The following CHRM5 variants were observed in gnomAD, a reference collection of about 807,000 sequenced individuals.
The protein encoded by CHRM5 is cholinergic receptor muscarinic 5, also known as muscarinic acetylcholine receptor M5.
In CHRM5, 18 loss-of-function variants were observed where a neutral mutation model predicts 39.0. The observed-to-expected ratio is 0.46, with a 90% CI of 0.32 to 0.68. CHRM5 has a LOEUF of 0.68. Among genes scored for constraint, CHRM5 ranks in the 30% least tolerant of loss-of-function variants. The probability of loss-of-function intolerance (pLI) is 0.04; values close to 1 mark genes in which losing one functional copy is unlikely to be tolerated. For missense variants in CHRM5, 515 were observed against 651.1 expected (o/e 0.79, Z 2.28); for synonymous variants, 241 against 246.3 (o/e 0.98, Z 0.20).
intron 1 of CHRM5, among the ~76,000 whole-genome samples, chr15:33,998,815 C>A (rs1322852555): frequency 6.6e-6 from 1 of 152,202 alleles, no homozygotes; most frequent in Non-Finnish European, 1.5e-5. Context: ...TTGCTGGTCT[C>A]TTCTCTTTCC....
At chr15:34,033,018 A>G (rs74578864) in intron 1 of CHRM5, among the ~76,000 whole-genome samples, 1 of 152,188 alleles carries the variant, frequency 6.6e-6, no homozygotes, top group African/African-American at 2.4e-5. Flanking sequence ...TTGATATGGC[A>G]AAACTCCAAC....
At chr15:34,004,604 A>G (rs1397915002) in intron 1 of CHRM5, among the ~76,000 whole-genome samples, 2 of 152,034 alleles carry the variant, frequency 1.3e-5, no homozygotes, top group Non-Finnish European at 2.9e-5. Flanking sequence ...AATTTTTTAA[A>G]GTGTTGTTAA....
chr15:33,996,105 G>A (rs1896921651), intron 1 of CHRM5, among the ~76,000 whole-genome samples: 2 of 152,254 alleles, frequency 1.3e-5, no homozygotes, highest in Non-Finnish European at 2.9e-5. Flanking sequence ...ATAGACCTGT[G>A]AGGCAGCAGC....
chr15:33,997,910 C>A (rs1897001915), intron 1 of CHRM5, among the ~76,000 whole-genome samples: 1 of 152,162 alleles, frequency 6.6e-6, no homozygotes, highest in Non-Finnish European at 1.5e-5. Context: ...ATACCAACTT[C>A]ATGTGGGCCC....
At position 33,983,223 on chromosome 15, in the gene CHRM5, T is replaced by TAC. The variant is rs1555512827; in HGVS notation, c.-408+14081_-408+14082dup. ...GTGTATATATATATATACATATATA[T>TAC]ACACACACATACACACACACACATA... On this transcript the variant is annotated intron_variant, in intron 1 of 2. Transcript: ENST00000383263. 5.1e-3 allele frequency among the ~76,000 whole-genome samples: 559 copies of TAC among 110,674 alleles called. 9 individuals carry two copies. Among genetic ancestry groups the TAC allele is most frequent in the African/African-American group, 0.022 (528 of 24,424 alleles). 72.6% of individuals were successfully genotyped at this position (110,674 alleles called of 152,430 possible).
At chr15:34,030,615 A>G (rs111583380) in intron 1 of CHRM5, among the ~76,000 whole-genome samples, 1,849 of 151,774 alleles carry the variant, frequency 0.012, 17 homozygotes, top group Non-Finnish European at 0.017. Flanking sequence ...GGTGTGAGCC[A>G]CCACGCCCAG....
At chr15:34,042,939 G>A (rs1040436264) in intron 1 of CHRM5, among the ~76,000 whole-genome samples, 1 of 151,928 alleles carries the variant, frequency 6.6e-6, no homozygotes, top group Admixed American at 6.6e-5. Flanking sequence ...AAGAAACCCA[G>A]TAATTCCTAG....
At chr15:34,047,835 G>C (rs891321582) in intron 2 of CHRM5, among the ~76,000 whole-genome samples, 11 of 152,152 alleles carry the variant, frequency 7.2e-5, no homozygotes, top group Middle Eastern at 6.8e-3. Flanking sequence ...TGCAACCTCT[G>C]CCTCCTGAGC....
At chr15:34,014,036 C>T (rs1157101157) in intron 1 of CHRM5, among the ~76,000 whole-genome samples, 3 of 151,926 alleles carry the variant, frequency 2.0e-5, no homozygotes, top group Non-Finnish European at 4.4e-5. Context: ...AAACAAAACC[C>T]GGGGAGATCA....
Position 34,001,179 on chromosome 15 carries a change from C to A in CHRM5, c.-408+32029C>A, listed in dbSNP as rs557857590. ...GGGATTACAGGTGCCCGCCACCACGCCCAGCTAATTTTTTGTGTTTTTAGT... is the reference window on the plus strand; with the variant it reads ...GGGATTACAGGTGCCCGCCACCACGACCAGCTAATTTTTTGTGTTTTTAGT... On this transcript the variant is annotated intron_variant, in intron 1 of 2. Coordinates refer to ENST00000383263, the MANE Select transcript of CHRM5 (RefSeq NM_012125.4). Among the ~76,000 whole-genome samples, 57 of 152,142 alleles carry A rather than the reference C, an allele frequency of 3.7e-4. No individual in the cohort carries two copies. In the Middle Eastern group the frequency reaches 0.014, roughly 36 times the overall value.
chr15:34,012,955 T>C (rs1897697253), intron 1 of CHRM5, among the ~76,000 whole-genome samples: 1 of 152,206 alleles, frequency 6.6e-6, no homozygotes, highest in South Asian at 2.1e-4. Context: ...ATGGTCTGTT[T>C]TAAATTTCCT....
At chr15:33,990,069 T>C (rs1597320152) in intron 1 of CHRM5, among the ~76,000 whole-genome samples, 1 of 151,364 alleles carries the variant, frequency 6.6e-6, no homozygotes, top group East Asian at 1.9e-4. Context: ...CCGGGCGTGG[T>C]GGTGGGCGCC....
chr15:34,002,599 T>C (rs190428739), intron 1 of CHRM5, among the ~76,000 whole-genome samples: 3 of 152,172 alleles, frequency 2.0e-5, no homozygotes, highest in Admixed American at 2.0e-4. Flanking sequence ...ATAGCTCCAA[T>C]ATGTGCATAT....
chr15:34,061,983 A>C (rs1353632092), intron 2 of CHRM5, among the ~76,000 whole-genome samples: 1 of 152,192 alleles, frequency 6.6e-6, no homozygotes, highest in Non-Finnish European at 1.5e-5. Context: ...TTCAGCCCTT[A>C]TGATCATTGC....
chr15:34,008,787 C>T (rs1189141335), intron 1 of CHRM5, among the ~76,000 whole-genome samples: 1 of 151,950 alleles, frequency 6.6e-6, no homozygotes, highest in Non-Finnish European at 1.5e-5. Flanking sequence ...CGTGCCTAGC[C>T]GATGAAAAAC....
intron 1 of CHRM5, among the ~76,000 whole-genome samples, chr15:34,031,360 C>T (rs369109511): frequency 7.2e-5 from 11 of 151,786 alleles, no homozygotes; most frequent in East Asian, 1.9e-4. Context: ...TTTCTAATAG[C>T]GACAGGGTTT....
At chr15:34,014,281 T>C (rs565280903) in intron 1 of CHRM5, among the ~76,000 whole-genome samples, 7 of 150,296 alleles carry the variant, frequency 4.7e-5, no homozygotes, top group African/African-American at 1.7e-4. Flanking sequence ...GGAGGATTGC[T>C]TGAACCCAGG....
At chr15:33,988,230 C>T (rs913729613) in intron 1 of CHRM5, among the ~76,000 whole-genome samples, 3 of 152,174 alleles carry the variant, frequency 2.0e-5, no homozygotes, top group Admixed American at 6.5e-5. Flanking sequence ...CAGTGATATA[C>T]AATAAACATA....
intron 1 of CHRM5, among the ~76,000 whole-genome samples, chr15:33,990,459 G>A (rs1178151227): frequency 1.3e-5 from 2 of 152,104 alleles, no homozygotes; most frequent in Non-Finnish European, 2.9e-5. Context: ...AAGAGTAACT[G>A]GAATATAAGT....
Sources: allele counts gnomAD v4.1 joint callset (sites outside exome capture counted in the v4.1 genomes callset), GRCh38; gene constraint gnomAD v4.1.1; transcripts MANE v1.5; gene names NCBI Gene and HGNC (gene_info 2026-07-23, HGNC 2026-07-21).